Variants in TRPC4AP observed in about 807,000 individuals in gnomAD.
TRPC4AP encodes transient receptor potential cation channel subfamily C member 4 associated protein.
Under a neutral mutation model 99.0 loss-of-function variants are expected in TRPC4AP, and 45 were observed. That is an observed-to-expected ratio of 0.45 (90% CI 0.36 to 0.58). TRPC4AP has a LOEUF of 0.58. TRPC4AP is among the 20% of genes least tolerant of loss of function. The pLI, the probability that TRPC4AP is intolerant of heterozygous loss-of-function variation, is 0.00. For missense variants in TRPC4AP, 879 were observed against 985.3 expected (o/e 0.89, Z 1.44); for synonymous variants, 408 against 385.8 (o/e 1.06, Z -0.67).
At chr20:35,037,798 A>T (rs956626272) in intron 7 of TRPC4AP, among the ~76,000 whole-genome samples, 1 of 152,170 alleles carries the variant, frequency 6.6e-6, no homozygotes, top group Non-Finnish European at 1.5e-5. Context: ...CTATGTTTAG[A>T]TACACAAATA....
intron 1 of TRPC4AP, among the ~76,000 whole-genome samples, chr20:35,084,668 A>G (rs1394225827): frequency 3.7e-4 from 47 of 126,474 alleles, no homozygotes; most frequent in African/African-American, 1.7e-3. Flanking sequence ...ATATATGTGT[A>G]TATGTATATA....
intron 7 of TRPC4AP, 83 bp from the exon 8 acceptor site, chr20:35,035,391 T>A (rs565335807): frequency 5.8e-6 from 8 of 1,380,544 alleles, no homozygotes; most frequent in African/African-American, 1.4e-5. Context: ...ACAATCTGCA[T>A]GATAGGAATA....
chr20:35,037,780 C>A (rs578255407), intron 7 of TRPC4AP, among the ~76,000 whole-genome samples: 1 of 152,222 alleles, frequency 6.6e-6, no homozygotes, highest in East Asian at 1.9e-4. Context: ...TTTTACTATA[C>A]CTTTTTTCTA....
At chr20:35,067,691 G>C (rs1410110185) in intron 3 of TRPC4AP, among the ~76,000 whole-genome samples, 1 of 152,134 alleles carries the variant, frequency 6.6e-6, no homozygotes, top group Non-Finnish European at 1.5e-5. Context: ...AATGAGTGTT[G>C]ATACATGCTA....
At chr20:35,068,974 CACACAA>C (rs1178681974) in intron 3 of TRPC4AP, among the ~76,000 whole-genome samples, 2 of 52,284 alleles carry the variant, frequency 3.8e-5, no homozygotes, top group East Asian at 5.3e-4. Flanking sequence ...CACACACACA[CACACAA>C]AAAAAACAAA....
At chr20:35,055,538 T>A (rs960001198) in intron 4 of TRPC4AP, among the ~76,000 whole-genome samples, 1 of 152,226 alleles carries the variant, frequency 6.6e-6, no homozygotes, top group Non-Finnish European at 1.5e-5. Flanking sequence ...TTTGGTTTTT[T>A]AAATGAGGTC....
chr20:35,051,751 A>G lies in TRPC4AP; in HGVS notation c.529-1757T>C, dbSNP rs6119563. 9.0e-3 allele frequency among the ~76,000 whole-genome samples: 1,372 copies of G among 152,304 alleles called. 23 individuals carry two copies. The highest frequency in any genetic ancestry group is 0.032 in the African/African-American group (1,316 of 41,550). On this transcript the variant is annotated intron_variant, in intron 5 of 18. Transcript: ENST00000252015. ...GAAGATCCAAAGAAACAGAACAAAAAGAGAACTAAATTTACACTTTCTCAA... is the reference window on the plus strand; with the variant it reads ...GAAGATCCAAAGAAACAGAACAAAAGGAGAACTAAATTTACACTTTCTCAA...
At chr20:35,016,917 T>C (rs536662388) in intron 9 of TRPC4AP, among the ~76,000 whole-genome samples, 306 of 152,376 alleles carry the variant, frequency 2.0e-3, no homozygotes, top group Non-Finnish European at 3.5e-3. Context: ...GTTGGTGACT[T>C]GGGCATTGGG....
intron 5 of TRPC4AP, among the ~76,000 whole-genome samples, chr20:35,053,987 A>C (rs1397457510): frequency 6.6e-6 from 1 of 152,190 alleles, no homozygotes; most frequent in Non-Finnish European, 1.5e-5. Context: ...TTGAAGCCAA[A>C]TTTGTGCCCA....
rs1245458589 is a variant in TRPC4AP, at chr20:35,010,171, G to A, written c.1511+16C>T. On this transcript the variant is annotated intron_variant, in intron 12 of 18. Coordinates refer to ENST00000252015, the MANE Select transcript of TRPC4AP (RefSeq NM_015638.3). Reference sequence around the variant, plus strand: ...GCCGGGATGGGCTGAGGGAAAAGCTGCACCCCTGCACTCACCTGTCGGTGT... The same window carrying A: ...GCCGGGATGGGCTGAGGGAAAAGCTACACCCCTGCACTCACCTGTCGGTGT... 2 of 1,611,754 alleles carry A rather than the reference G, an allele frequency of 1.2e-6. No individual in the cohort carries two copies. Among genetic ancestry groups the A allele is most frequent in the Non-Finnish European group, 1.7e-6 (2 of 1,178,448 alleles).
intron 8 of TRPC4AP, among the ~76,000 whole-genome samples, chr20:35,029,628 CTTTTTTTTTTTTTTTTTT>C (rs35372826): frequency 2.5e-5 from 1 of 39,370 alleles, no homozygotes; most frequent in African/African-American, 1.1e-4. Flanking sequence ...AAGTTACTTT[CTTTTTTTTTTTTTTTTTT>C]TTTTTTTGAG....
chr20:35,076,329 G>A (rs541530056), intron 2 of TRPC4AP, among the ~76,000 whole-genome samples: 2 of 152,304 alleles, frequency 1.3e-5, no homozygotes, highest in African/African-American at 4.8e-5. Flanking sequence ...CTTTGGAGGA[G>A]AAGAGGCGCT....
intron 2 of TRPC4AP, among the ~76,000 whole-genome samples, chr20:35,076,458 CTGTT>C (rs1358021426): frequency 6.6e-6 from 1 of 152,144 alleles, no homozygotes; most frequent in East Asian, 1.9e-4. Flanking sequence ...GATGTCCTTT[CTGTT>C]TGTTAGTTTT....
chr20:35,008,559 C>G lies in TRPC4AP; in HGVS notation c.1595+105G>C, dbSNP rs375364633. On this transcript the variant is annotated intron_variant, in intron 13 of 18. Coordinates refer to ENST00000252015, the MANE Select transcript of TRPC4AP (RefSeq NM_015638.3). ...CCTCTCCCCAACAGTAATTGTGCTT[C>G]AGGAGGCATGGACGCTGGTGACTAA... is the stretch of plus-strand genomic sequence containing the variant. 3.2e-6 allele frequency: 3 copies of G among 942,678 alleles called. No individual in the cohort carries two copies. The South Asian group carries it at 4.7e-5, about 15-fold the overall frequency. The allele number at this position is 942,678 out of a possible 1,614,324, so 58.4% of individuals were successfully genotyped here.
At chr20:35,086,533 G>GTATATATATATGTGTATATATAGA (rs1308760481) in intron 1 of TRPC4AP, among the ~76,000 whole-genome samples, 1 of 73,474 alleles carries the variant, frequency 1.4e-5, no homozygotes, top group African/African-American at 7.5e-5. Context: ...ATATGTGTGT[G>GTATATATATATGTGTATATATAGA]TGTGTGTGTG....
At chr20:35,069,144 C>G in intron 3 of TRPC4AP, 152 bp downstream of exon 3, 1 of 577,762 alleles carries the variant, frequency 1.7e-6, no homozygotes, top group Non-Finnish European at 3.1e-6. Context: ...AAAAACTATG[C>G]TGCTTCAACA....
chr20:35,078,302 A>G (rs1600656108), intron 1 of TRPC4AP, 128 bp from the exon 2 acceptor site: 1 of 916,528 alleles, frequency 1.1e-6, no homozygotes, highest in East Asian at 2.7e-5. Context: ...GCACTACTAT[A>G]AAAAGCCTCT....
intron 1 of TRPC4AP, among the ~76,000 whole-genome samples, chr20:35,083,684 A>G (rs1261184319): frequency 1.3e-5 from 2 of 151,726 alleles, no homozygotes; most frequent in East Asian, 3.9e-4. Flanking sequence ...TATATGTGTC[A>G]GAATAAGACA....
chr20:35,008,771 T>A (rs749712182), intron 12 of TRPC4AP, 24 bp from the exon 13 acceptor site: 1 of 1,607,572 alleles, frequency 6.2e-7, no homozygotes, highest in Non-Finnish European at 8.5e-7. Flanking sequence ...GAGATATTGG[T>A]GACAGATCTG....
Sources: gnomAD v4.1 joint callset for allele counts (sites outside exome capture counted in the v4.1 genomes callset) on GRCh38, gnomAD v4.1.1 for gene constraint, MANE v1.5 for transcripts, NCBI Gene and HGNC (gene_info 2026-07-23, HGNC 2026-07-21) for gene names.